The following P4HA1 variants were observed in gnomAD, a reference collection of about 807,000 sequenced individuals.
P4HA1 encodes prolyl 4-hydroxylase subunit alpha-1.
P4HA1 carries 24 observed loss-of-function variants against 72.8 expected under a neutral mutation model. The ratio of observed to expected loss-of-function variants is 0.33; its 90% CI spans 0.24 to 0.46. P4HA1 has a LOEUF of 0.46. Ranked by LOEUF, P4HA1 falls within the 20% of genes least tolerant of loss-of-function variation. P4HA1 has a pLI of 1.00. For synonymous variants in P4HA1, 201 were observed against 218.8 expected (o/e 0.92, Z 0.72); for missense variants, 446 against 640.6 (o/e 0.70, Z 3.28).
intron 9 of P4HA1, among the ~76,000 whole-genome samples, chr10:73,042,065 G>T (rs145035080): frequency 6.6e-6 from 1 of 151,452 alleles, no homozygotes; most frequent in South Asian, 2.1e-4. Context: ...CTCAGGCTGC[G>T]GTCTTCATTT....
At chr10:73,034,526 TAAG>T (rs1316771796) in intron 9 of P4HA1, among the ~76,000 whole-genome samples, 2 of 151,970 alleles carry the variant, frequency 1.3e-5, no homozygotes, top group Non-Finnish European at 2.9e-5. Context: ...GTATCTCCTG[TAAG>T]AAGAATCATA....
intron 10 of P4HA1, among the ~76,000 whole-genome samples, chr10:73,029,142 C>T (rs1425299584): frequency 6.6e-6 from 1 of 150,714 alleles, no homozygotes; most frequent in Non-Finnish European, 1.5e-5. Context: ...AGGCACAGTG[C>T]CTCACGCCTG....
Position 73,008,214 on chromosome 10 carries a change from C to T in P4HA1, c.*8G>A, listed in dbSNP as rs757073232. 2.5e-6 allele frequency: 4 copies of T among 1,580,824 alleles called. No individual in the cohort carries two copies. The highest frequency in any genetic ancestry group is 4.5e-5 in the East Asian group (2 of 44,668). ...TACAACAATAGGAGAAAAAGGGAAG[C>T]CTGTTTGTCATTCCAATTCTGACAA... On this transcript the variant is annotated 3_prime_UTR_variant, in exon 15 of 15. Coordinates refer to ENST00000394890, the MANE Select transcript of P4HA1 (RefSeq NM_001017962.3).
chr10:73,064,658 C>T (rs891829709), intron 5 of P4HA1, among the ~76,000 whole-genome samples: 2 of 151,976 alleles, frequency 1.3e-5, no homozygotes, highest in African/African-American at 2.4e-5. Flanking sequence ...CTGGCTGACA[C>T]GGTGAAACCT....
At position 73,074,878 on chromosome 10, in the gene P4HA1, G is replaced by A; in HGVS notation, c.6C>T (p.Ile2=). ...GAATTCCTATAATTAATATATACCA[G>A]ATCATCTTGGAAGATTTAATTTTAC... M[I]WYILIIGILL... Residue 2 remains isoleucine (I), a synonymous_variant, in exon 2 of 15, where the codon ATC becomes ATT. Coordinates refer to ENST00000394890, the MANE Select transcript of P4HA1 (RefSeq NM_001017962.3). 1 of 1,473,558 alleles carries A rather than the reference G, an allele frequency of 6.8e-7. No individual in the cohort carries two copies. Among genetic ancestry groups the A allele is most frequent in the Non-Finnish European group, 9.4e-7 (1 of 1,058,300 alleles). The allele number at this position is 1,473,558 out of a possible 1,614,324, so 91.3% of individuals were successfully genotyped here.
rs766897572 is a variant in P4HA1 at position 73,074,924 on chromosome 10, G to C, written c.-32-9C>G. 4.7e-6 allele frequency: 4 copies of C among 853,876 alleles called. No individual in the cohort carries two copies. In the East Asian group the frequency reaches 9.9e-5, roughly 21 times the overall value. 52.9% of individuals were successfully genotyped at this position (853,876 alleles called of 1,614,324 possible). A position where few individuals can be genotyped will look rare whatever the true frequency, so the allele number is the denominator to read the frequency against. On this transcript the variant is annotated splice_polypyrimidine_tract_variant and intron_variant, in intron 1 of 14. Transcript: ENST00000394890. ...TTTACAGGATCACACACCTACAAAAGAAAGAGAGAAATGCAGCCATTACTT... is the reference window on the plus strand; with the variant it reads ...TTTACAGGATCACACACCTACAAAACAAAGAGAGAAATGCAGCCATTACTT...
chr10:73,021,289 C>T (rs1226913356), intron 10 of P4HA1, among the ~76,000 whole-genome samples: 5 of 152,064 alleles, frequency 3.3e-5, no homozygotes, highest in African/African-American at 9.7e-5. Context: ...ATAGATCTAC[C>T]ATATGATCCA....
At chr10:73,044,628 A>C (rs190460463) in intron 9 of P4HA1, among the ~76,000 whole-genome samples, 24 of 152,236 alleles carry the variant, frequency 1.6e-4, no homozygotes, top group African/African-American at 5.3e-4. Flanking sequence ...GAAGACTACT[A>C]CTCCCAGATT....
chr10:73,088,343 A>C (rs781379493), intron 1 of P4HA1, among the ~76,000 whole-genome samples: 2 of 152,212 alleles, frequency 1.3e-5, no homozygotes, highest in Non-Finnish European at 2.9e-5. Flanking sequence ...GTCTGTAAGA[A>C]AGCCCAGGTA....
intron 1 of P4HA1, among the ~76,000 whole-genome samples, chr10:73,081,351 A>G (rs982176229): frequency 6.6e-6 from 1 of 152,178 alleles, no homozygotes; most frequent in African/African-American, 2.4e-5. Flanking sequence ...GTTATTGATA[A>G]TATTTAGGTT....
intron 5 of P4HA1, among the ~76,000 whole-genome samples, chr10:73,068,508 T>C (rs1421361788): frequency 6.6e-6 from 1 of 152,188 alleles, no homozygotes; most frequent in East Asian, 1.9e-4. Context: ...ATCAATCCCT[T>C]ATAGCTTTAC....
chr10:73,071,068 G>A (rs921461158), intron 4 of P4HA1, among the ~76,000 whole-genome samples: 1 of 151,670 alleles, frequency 6.6e-6, no homozygotes, highest in African/African-American at 2.4e-5. Flanking sequence ...TGCTTGTAGT[G>A]CTAGCTACTG....
At chr10:73,027,877 G>GGAGGGAAGGACA (rs1840327746) in intron 10 of P4HA1, among the ~76,000 whole-genome samples, 1 of 131,234 alleles carries the variant, frequency 7.6e-6, no homozygotes, top group Non-Finnish European at 1.6e-5. Context: ...AGAGAGGGAG[G>GGAGGGAAGGACA]GAGGGAGGGA....
intron 4 of P4HA1, among the ~76,000 whole-genome samples, chr10:73,071,046 C>T (rs909188134): frequency 1.3e-5 from 2 of 151,702 alleles, no homozygotes; most frequent in Admixed American, 6.6e-5. Flanking sequence ...ATTGGCCTGG[C>T]GTGGTGGTCT....
chr10:73,037,571 A>AT (rs71021545), intron 9 of P4HA1, among the ~76,000 whole-genome samples: 824 of 30,584 alleles, frequency 0.027, 89 homozygotes, highest in Middle Eastern at 0.071. Flanking sequence ...ATATATATAT[A>AT]TTTTTTTTTT....
At chr10:73,046,882 A>G in intron 8 of P4HA1, 43 bp downstream of exon 8, 1 of 1,345,488 alleles carries the variant, frequency 7.4e-7, no homozygotes, top group Non-Finnish European at 1.0e-6. Flanking sequence ...AATTGATACA[A>G]AGGTACAGTA....
At chr10:73,040,403 T>C (rs1840703658) in intron 9 of P4HA1, among the ~76,000 whole-genome samples, 2 of 152,250 alleles carry the variant, frequency 1.3e-5, no homozygotes, top group South Asian at 4.2e-4. Context: ...GGCTGGATAT[T>C]TCTTCAAAAG....
chr10:73,017,017 T>G (rs1374143450), intron 10 of P4HA1, 118 bp from the exon 11 acceptor site: 2 of 646,984 alleles, frequency 3.1e-6, no homozygotes, highest in East Asian at 5.9e-5. Flanking sequence ...TACAGAGAAA[T>G]GAAAAATATT....
chr10:73,090,823 G>A (rs1403727077), intron 1 of P4HA1, among the ~76,000 whole-genome samples: 1 of 152,044 alleles, frequency 6.6e-6, no homozygotes, highest in African/African-American at 2.4e-5. Flanking sequence ...CACTTTGGGA[G>A]GCCGAGGCTG....
Sources: allele counts gnomAD v4.1 joint callset (sites outside exome capture counted in the v4.1 genomes callset), GRCh38; gene constraint gnomAD v4.1.1; transcripts MANE v1.5; gene names NCBI Gene and HGNC (gene_info 2026-07-23, HGNC 2026-07-21).